Variants in TRAPPC9 observed in about 807,000 individuals in gnomAD.
TRAPPC9 encodes IKK2 binding protein.
TRAPPC9 carries 83 observed loss-of-function variants against 124.0 expected under a neutral mutation model. The ratio of observed to expected loss-of-function variants is 0.67; its 90% CI spans 0.56 to 0.80. TRAPPC9 has a LOEUF of 0.80. Ranked by LOEUF, TRAPPC9 falls within the 30% of genes least tolerant of loss-of-function variation. The probability of loss-of-function intolerance (pLI) is 0.00; values close to 1 mark genes in which losing one functional copy is unlikely to be tolerated. For missense variants in TRAPPC9, 1,302 were observed against 1,508.3 expected (o/e 0.86, Z 2.27); for synonymous variants, 638 against 617.5 (o/e 1.03, Z -0.49).
At chr8:140,025,882 C>T (rs565619961) in intron 17 of TRAPPC9, among the ~76,000 whole-genome samples, 1 of 152,306 alleles carries the variant, frequency 6.6e-6, no homozygotes, top group Non-Finnish European at 1.5e-5. Context: ...ATTCTAAGTA[C>T]ACAGTTCAGT....
At chr8:140,126,342 G>A (rs1286203336) in intron 17 of TRAPPC9, among the ~76,000 whole-genome samples, 2 of 151,806 alleles carry the variant, frequency 1.3e-5, no homozygotes, top group African/African-American at 2.4e-5. Flanking sequence ...GAAAACGACA[G>A]GTCCATTTCA....
rs138731397 is a variant in TRAPPC9 at position 140,212,859 on chromosome 8, T to A, written c.2556+8600A>T. Among the ~76,000 whole-genome samples, 448 of 150,454 alleles carry A rather than the reference T, an allele frequency of 3.0e-3. 4 individuals carry two copies. The highest frequency in any genetic ancestry group is 0.01 in the African/African-American group (413 of 40,988). ...ACTTTGGGAGGCCGAGGCAGGCAGA[T>A]CATGAGGTCAAGAGATCGAGACCAT... On this transcript the variant is annotated intron_variant, in intron 17 of 22. Transcript: ENST00000438773.
At chr8:140,116,880 C>T (rs931128914) in intron 17 of TRAPPC9, among the ~76,000 whole-genome samples, 3 of 151,182 alleles carry the variant, frequency 2.0e-5, no homozygotes, top group Admixed American at 6.6e-5. Flanking sequence ...AGTGAGTAGG[C>T]GGAGTTCAGT....
intron 20 of TRAPPC9, among the ~76,000 whole-genome samples, chr8:139,902,593 G>C (rs10096902): frequency 0.46 from 69,545 of 152,174 alleles, 17,105 homozygotes; most frequent in African/African-American, 0.66. Context: ...AATTCATTTA[G>C]AGAAAACTAT....
chr8:140,163,746 G>T (rs762454904), intron 17 of TRAPPC9, among the ~76,000 whole-genome samples: 1 of 152,156 alleles, frequency 6.6e-6, no homozygotes, highest in Non-Finnish European at 1.5e-5. Context: ...GGGAGATAAG[G>T]GGGAGGGGAG....
At chr8:139,893,432 G>C (rs1830470327) in intron 20 of TRAPPC9, among the ~76,000 whole-genome samples, 1 of 152,228 alleles carries the variant, frequency 6.6e-6, no homozygotes, top group African/African-American at 2.4e-5. Flanking sequence ...AACCTGCCCT[G>C]GCGGTCTGCA....
chr8:139,942,692 A>G (rs984191860), intron 19 of TRAPPC9, among the ~76,000 whole-genome samples: 1 of 152,218 alleles, frequency 6.6e-6, no homozygotes, highest in Non-Finnish European at 1.5e-5. Flanking sequence ...AGAAAAACAG[A>G]CATAGTCGAG....
chr8:140,200,720 G>A lies in TRAPPC9; in HGVS notation c.2556+20739C>T, dbSNP rs60421468. 4.6e-3 allele frequency among the ~76,000 whole-genome samples: 695 copies of A among 152,222 alleles called. 5 individuals are homozygous for A. The highest frequency in any genetic ancestry group is 0.015 in the African/African-American group (642 of 41,536). Reference sequence around the variant, plus strand: ...AAACCGGAAGACACTAAGAAGACCCGGAGGATAGATGTCATCGAGCGTCCT... The same window carrying A: ...AAACCGGAAGACACTAAGAAGACCCAGAGGATAGATGTCATCGAGCGTCCT... On this transcript the variant is annotated intron_variant, in intron 17 of 22. Coordinates refer to ENST00000438773, the MANE Select transcript of TRAPPC9 (RefSeq NM_001160372.4).
intron 21 of TRAPPC9, among the ~76,000 whole-genome samples, chr8:139,762,311 G>A (rs1189989269): frequency 2.0e-5 from 3 of 152,222 alleles, no homozygotes; most frequent in South Asian, 2.1e-4. Flanking sequence ...TGCAAATCAC[G>A]GTGCTTTAAA....
chr8:140,244,032 G>A (rs910660933), intron 16 of TRAPPC9, among the ~76,000 whole-genome samples: 100 of 152,326 alleles, frequency 6.6e-4, no homozygotes, highest in African/African-American at 2.3e-3. Flanking sequence ...TAGGTTGCAC[G>A]CTCCTTATGA....
chr8:139,884,144 C>T (rs1207231524), intron 21 of TRAPPC9, among the ~76,000 whole-genome samples: 2 of 152,266 alleles, frequency 1.3e-5, no homozygotes, highest in South Asian at 2.1e-4. Flanking sequence ...CTTCTCTGTC[C>T]TGTGCCTCTC....
At chr8:140,372,634 A>AATT (rs2068315265) in intron 7 of TRAPPC9, among the ~76,000 whole-genome samples, 1 of 152,142 alleles carries the variant, frequency 6.6e-6, no homozygotes, top group Admixed American at 6.5e-5. Context: ...GGACTTTAAA[A>AATT]AGTGATTGGG....
intron 17 of TRAPPC9, among the ~76,000 whole-genome samples, chr8:140,155,666 G>C (rs1345593708): frequency 1.4e-4 from 21 of 151,974 alleles, no homozygotes. Context: ...AGCCAAAAAA[G>C]ATACATTTCT....
At chr8:140,138,783 G>A (rs992843732) in intron 17 of TRAPPC9, among the ~76,000 whole-genome samples, 1 of 152,136 alleles carries the variant, frequency 6.6e-6, no homozygotes, top group Non-Finnish European at 1.5e-5. Flanking sequence ...AAACAAACAG[G>A]TTGGTGCCGG....
chr8:140,027,831 G>C (rs1563701289), intron 17 of TRAPPC9, among the ~76,000 whole-genome samples: 1 of 152,030 alleles, frequency 6.6e-6, no homozygotes, highest in Non-Finnish European at 1.5e-5. Flanking sequence ...GAGTGTGTGT[G>C]TGAAGGAGGA....
At chr8:140,115,269 G>GTTTTTTTTTTTTTT (rs375087383) in intron 17 of TRAPPC9, among the ~76,000 whole-genome samples, 1 of 150,518 alleles carries the variant, frequency 6.6e-6, no homozygotes. Context: ...TTGTTATAAT[G>GTTTTTTTTTTTTTT]GTTTTTTTTT....
intron 21 of TRAPPC9, among the ~76,000 whole-genome samples, chr8:139,772,903 A>T (rs999528583): frequency 6.6e-6 from 1 of 152,388 alleles, no homozygotes; most frequent in South Asian, 2.1e-4. Context: ...CCAAGGAGTG[A>T]GGCCTCAGAA....
chr8:139,816,796 C>A (rs1410529316), intron 21 of TRAPPC9, among the ~76,000 whole-genome samples: 2 of 152,110 alleles, frequency 1.3e-5, no homozygotes, highest in Admixed American at 6.5e-5. Flanking sequence ...CTTGGGTCCG[C>A]CAACTCCTGC....
chr8:140,303,437 T>A (rs1157315853), intron 10 of TRAPPC9, among the ~76,000 whole-genome samples: 5 of 152,246 alleles, frequency 3.3e-5, no homozygotes, highest in African/African-American at 7.2e-5. Flanking sequence ...TAGACTACTG[T>A]TGGCTACTGT....
Sources: gnomAD v4.1 joint callset for allele counts (sites outside exome capture counted in the v4.1 genomes callset) on GRCh38, gnomAD v4.1.1 for gene constraint, MANE v1.5 for transcripts, NCBI Gene and HGNC (gene_info 2026-07-23, HGNC 2026-07-21) for gene names.